The following STARD13 variants were observed in gnomAD, a reference collection of about 807,000 sequenced individuals.
STARD13 encodes stAR-related lipid transfer protein 13.
A neutral mutation model predicts 106.4 loss-of-function variants in STARD13; 62 were observed. That is an observed-to-expected ratio of 0.58 (90% CI 0.48 to 0.72). STARD13 has a LOEUF of 0.72. Ranked by LOEUF, STARD13 falls within the 30% of genes least tolerant of loss-of-function variation. STARD13 has a pLI of 0.00. For missense variants in STARD13, 1,387 were observed against 1,424.0 expected (o/e 0.97, Z 0.42); for synonymous variants, 565 against 553.0 (o/e 1.02, Z -0.31).
chr13:33,519,279 TTCTC>T, the STARD13 span, among the ~76,000 whole-genome samples: 2 of 139,516 alleles, frequency 1.4e-5, no homozygotes, highest in Non-Finnish European at 3.0e-5. Context: ...TTTCTTTTCT[TTCTC>T]TTTCTTTCTT....
intron 1 of STARD13, among the ~76,000 whole-genome samples, chr13:33,172,611 G>T (rs1459656697): frequency 6.6e-6 from 1 of 152,270 alleles, no homozygotes; most frequent in Non-Finnish European, 1.5e-5. Context: ...CGTGCTTCTA[G>T]CATGCTTGGG....
chr13:33,552,229 AT>A, the STARD13 span, among the ~76,000 whole-genome samples: 1 of 152,180 alleles, frequency 6.6e-6, no homozygotes, highest in Non-Finnish European at 1.5e-5. Context: ...GAACAACTAG[AT>A]ACAAAATTAG....
At chr13:33,360,340 G>T in the STARD13 span, among the ~76,000 whole-genome samples, 1 of 152,106 alleles carries the variant, frequency 6.6e-6, no homozygotes, top group African/African-American at 2.4e-5. Context: ...AAGTAGCTGG[G>T]ACTATAGGCG....
chr13:33,231,776 A>T (rs558853144), intron 1 of STARD13, among the ~76,000 whole-genome samples: 1 of 152,206 alleles, frequency 6.6e-6, no homozygotes, highest in South Asian at 2.1e-4. Context: ...TTTCCAGATG[A>T]CTAAGGTTTA....
chr13:33,581,818 T>G, the STARD13 span, among the ~76,000 whole-genome samples: 2 of 152,172 alleles, frequency 1.3e-5, no homozygotes, highest in Non-Finnish European at 2.9e-5. Flanking sequence ...GAATATATAC[T>G]CCTAAACTTA....
At chr13:33,250,662 T>C (rs1315422466) in intron 1 of STARD13, among the ~76,000 whole-genome samples, 1 of 152,232 alleles carries the variant, frequency 6.6e-6, no homozygotes, top group Non-Finnish European at 1.5e-5. Flanking sequence ...CAGATTTACA[T>C]TTATTCCTGT....
chr13:33,662,580 G>A, the STARD13 span, among the ~76,000 whole-genome samples: 3 of 152,092 alleles, frequency 2.0e-5, no homozygotes, highest in African/African-American at 4.8e-5. Flanking sequence ...TTAACTTCAC[G>A]TTCTGCCGTT....
At chr13:33,532,940 A>C in the STARD13 span, among the ~76,000 whole-genome samples, 1 of 152,052 alleles carries the variant, frequency 6.6e-6, no homozygotes, top group South Asian at 2.1e-4. Flanking sequence ...TCAGCCACAA[A>C]ATTTTTCCAA....
the STARD13 span, among the ~76,000 whole-genome samples, chr13:33,536,027 T>C: frequency 6.6e-6 from 1 of 152,186 alleles, no homozygotes; most frequent in African/African-American, 2.4e-5. Context: ...TTGGGGGACA[T>C]GAATAGAGCT....
At chr13:33,673,581 T>A in the STARD13 span, among the ~76,000 whole-genome samples, 1 of 136,426 alleles carries the variant, frequency 7.3e-6, no homozygotes, top group Non-Finnish European at 1.5e-5. Context: ...TCTCACTCTG[T>A]CACCATGCTG....
At chr13:33,146,940 G>C (rs1240424146) in intron 3 of STARD13, among the ~76,000 whole-genome samples, 1 of 152,186 alleles carries the variant, frequency 6.6e-6, no homozygotes, top group Non-Finnish European at 1.5e-5. Flanking sequence ...GCATCCACTG[G>C]AGAGGGAAGA....
At chr13:33,561,741 T>G in the STARD13 span, among the ~76,000 whole-genome samples, 1 of 146,664 alleles carries the variant, frequency 6.8e-6, no homozygotes, top group Non-Finnish European at 1.5e-5. Context: ...AATATTATAC[T>G]CTAACACTTA....
At chr13:33,213,817 T>G (rs1887868526) in intron 1 of STARD13, among the ~76,000 whole-genome samples, 1 of 152,230 alleles carries the variant, frequency 6.6e-6, no homozygotes, top group Admixed American at 6.5e-5. Flanking sequence ...ACTTTAAATT[T>G]TCAATGGTGG....
At chr13:33,435,186 T>G in the STARD13 span, among the ~76,000 whole-genome samples, 1 of 152,218 alleles carries the variant, frequency 6.6e-6, no homozygotes, top group Non-Finnish European at 1.5e-5. Flanking sequence ...CCTTGACTTC[T>G]CTGCTACTCA....
At chr13:33,424,541 A>G in the STARD13 span, among the ~76,000 whole-genome samples, 1 of 152,192 alleles carries the variant, frequency 6.6e-6, no homozygotes, top group South Asian at 2.1e-4. Flanking sequence ...TAGGGGTTCA[A>G]TTGCAAGCCC....
At position 33,247,567 on chromosome 13, in the gene STARD13, A is replaced by G. The variant is rs527990079; in HGVS notation, c.169+37903T>C. ...ATTAGATATAATATATATTTCTATC[A>G]TATATTTTTGCAATTTGCTGTATAT... On this transcript the variant is annotated intron_variant, in intron 1 of 13. Coordinates refer to ENST00000336934, the MANE Select transcript of STARD13 (RefSeq NM_178006.4). Among the ~76,000 whole-genome samples, 54 of 152,224 alleles carry G rather than the reference A, an allele frequency of 3.5e-4. No individual in the cohort carries two copies. In the South Asian group the frequency reaches 0.01, roughly 29 times the overall value.
At chr13:33,674,725 G>A in the STARD13 span, among the ~76,000 whole-genome samples, 1 of 152,114 alleles carries the variant, frequency 6.6e-6, no homozygotes, top group East Asian at 1.9e-4. Context: ...AAAAGAAACA[G>A]AGAAATCTTG....
intron 1 of STARD13, among the ~76,000 whole-genome samples, chr13:33,225,969 A>G (rs1888604404): frequency 6.6e-6 from 1 of 152,190 alleles, no homozygotes; most frequent in South Asian, 2.1e-4. Flanking sequence ...GGAGGTAATT[A>G]GGGTTAGATG....
chr13:33,629,651 C>T, the STARD13 span, among the ~76,000 whole-genome samples: 1 of 152,186 alleles, frequency 6.6e-6, no homozygotes, highest in Non-Finnish European at 1.5e-5. Context: ...ATGTATGAGA[C>T]TATATGGCAT....
Sources: allele counts gnomAD v4.1 joint callset (sites outside exome capture counted in the v4.1 genomes callset), GRCh38; gene constraint gnomAD v4.1.1; transcripts MANE v1.5; gene names NCBI Gene and HGNC (gene_info 2026-07-23, HGNC 2026-07-21).